The following FBXO11 variants were observed in gnomAD, a reference collection of about 807,000 sequenced individuals.
FBXO11 encodes F-box protein 11.
Under a neutral mutation model 117.0 loss-of-function variants are expected in FBXO11, and 13 were observed. The observed-to-expected ratio is 0.11, with a 90% CI of 0.07 to 0.18. The LOEUF is 0.18. Among genes scored for constraint, FBXO11 ranks in the 10% least tolerant of loss-of-function variants. FBXO11 has a pLI of 1.00. For synonymous variants in FBXO11, 490 were observed against 380.5 expected, an observed-to-expected ratio of 1.29 and a Z score of -3.35; for missense variants, 767 against 1,164.4, an observed-to-expected ratio of 0.66 and a Z score of 4.97.
intron 1 of FBXO11, among the ~76,000 whole-genome samples, chr2:47,900,324 T>C (rs764604916): frequency 1.4e-4 from 22 of 152,078 alleles, no homozygotes; most frequent in Non-Finnish European, 2.9e-4. Flanking sequence ...GACAGAGTAG[T>C]ACCCCACAGT....
At chr2:47,897,109 T>A (rs562506046) in intron 1 of FBXO11, among the ~76,000 whole-genome samples, 10 of 152,266 alleles carry the variant, frequency 6.6e-5, no homozygotes, top group Admixed American at 2.6e-4. Flanking sequence ...TCTCAATATA[T>A]AACAAGGGAA....
chr2:47,847,087 TAAAAG>T (rs1673477536), intron 1 of FBXO11, among the ~76,000 whole-genome samples: 3 of 151,102 alleles, frequency 2.0e-5, no homozygotes, highest in African/African-American at 4.9e-5. Context: ...CTACTAAAAA[TAAAAG>T]AAATCAGCCA....
intron 11 of FBXO11, among the ~76,000 whole-genome samples, chr2:47,831,427 G>GAAAAAAAAAAAAAAAAAAA (rs920107554): frequency 3.0e-5 from 2 of 65,748 alleles, no homozygotes; most frequent in Non-Finnish European, 2.8e-5. Context: ...GTCTCAAAAA[G>GAAAAAAAAAAAAAAAAAAA]AAAAAAAAAA....
intron 1 of FBXO11, among the ~76,000 whole-genome samples, chr2:47,890,677 C>A (rs748329421): frequency 6.6e-6 from 1 of 151,930 alleles, no homozygotes; most frequent in Non-Finnish European, 1.5e-5. Flanking sequence ...TGGTGGCAAG[C>A]GCCTATAACC....
chr2:47,904,295 C>G (rs917983982), intron 1 of FBXO11, among the ~76,000 whole-genome samples: 1 of 152,126 alleles, frequency 6.6e-6, no homozygotes, highest in African/African-American at 2.4e-5. Context: ...AAACAACAAC[C>G]GTACACATAA....
intron 11 of FBXO11, among the ~76,000 whole-genome samples, chr2:47,831,934 T>G (rs545878245): frequency 6.6e-6 from 1 of 152,338 alleles, no homozygotes; most frequent in African/African-American, 2.4e-5. Flanking sequence ...CAAAGTATAC[T>G]CTACAAACTG....
intron 1 of FBXO11, 45 bp from the exon 2 acceptor site, chr2:47,839,814 A>G (rs1478165773): frequency 6.4e-7 from 1 of 1,565,884 alleles, no homozygotes; most frequent in Non-Finnish European, 8.6e-7. Context: ...CCTTTTTAAA[A>G]AAAGTTCTAT....
chr2:47,874,084 G>A (rs1179752900), intron 1 of FBXO11, among the ~76,000 whole-genome samples: 4 of 152,026 alleles, frequency 2.6e-5, no homozygotes, highest in Non-Finnish European at 5.9e-5. Flanking sequence ...TATGGTGGCG[G>A]GCACCTGTAA....
chr2:47,825,776 C>G (rs1671708661), intron 11 of FBXO11, among the ~76,000 whole-genome samples: 1 of 151,896 alleles, frequency 6.6e-6, no homozygotes, highest in Admixed American at 6.6e-5. Flanking sequence ...GGAGTTTCAT[C>G]ATGTCGCCCA....
intron 1 of FBXO11, among the ~76,000 whole-genome samples, chr2:47,843,897 C>T (rs1032792976): frequency 9.9e-5 from 15 of 151,946 alleles, no homozygotes; most frequent in Admixed American, 6.6e-4. Context: ...CGCGCCACTA[C>T]GCCCGGCTAA....
intron 1 of FBXO11, among the ~76,000 whole-genome samples, chr2:47,899,155 T>A (rs1199785956): frequency 6.6e-6 from 1 of 151,086 alleles, no homozygotes; most frequent in Admixed American, 6.6e-5. Context: ...GCACCTGTAG[T>A]CCCAGCTACT....
At chr2:47,833,168 T>C in intron 7 of FBXO11, 98 bp from the exon 8 acceptor site, 1 of 713,384 alleles carries the variant, frequency 1.4e-6, no homozygotes, top group African/African-American at 1.8e-5. Context: ...TAGTACTGAG[T>C]AGTGGGACTA....
intron 1 of FBXO11, among the ~76,000 whole-genome samples, chr2:47,847,104 G>A (rs991105932): frequency 6.6e-6 from 1 of 152,096 alleles, no homozygotes; most frequent in East Asian, 1.9e-4. Context: ...AATCAGCCAG[G>A]TGTGGTGGTG....
intron 4 of FBXO11, among the ~76,000 whole-genome samples, chr2:47,837,528 AAAC>A (rs1219686596): frequency 2.0e-5 from 3 of 152,238 alleles, no homozygotes; most frequent in Non-Finnish European, 2.9e-5. Flanking sequence ...ACTCCGTCAA[AAAC>A]AACAACAAAA....
Position 47,901,021 on chromosome 2 carries a change from G to GTA in FBXO11, c.232+4466_232+4467dup, listed in dbSNP as rs757387655. 1.7e-3 allele frequency among the ~76,000 whole-genome samples: 215 copies of GTA among 129,962 alleles called. 1 individual carries two copies. The highest frequency in any genetic ancestry group is 5.0e-3 in the African/African-American group (184 of 36,614). The allele number at this position is 129,962 out of a possible 152,430, so 85.3% of individuals were successfully genotyped here. The stretch of plus-strand genomic sequence containing the variant: ...CCGGTGGGGAGATATATATATTTAT[G>GTA]TATATATATACACACGTGTGTACAT... On this transcript the variant is annotated intron_variant, in intron 1 of 22. Coordinates refer to ENST00000403359, the MANE Select transcript of FBXO11 (RefSeq NM_001190274.2).
chr2:47,826,998 C>T (rs891253331), intron 11 of FBXO11, among the ~76,000 whole-genome samples: 8 of 152,204 alleles, frequency 5.3e-5, no homozygotes, highest in East Asian at 1.9e-4. Context: ...CTGCCCTGGT[C>T]ACAGGCATGC....
At chr2:47,855,373 G>T (rs951289350) in intron 1 of FBXO11, among the ~76,000 whole-genome samples, 15 of 151,806 alleles carry the variant, frequency 9.9e-5, no homozygotes, top group Non-Finnish European at 1.0e-4. Context: ...TGCAGAGATG[G>T]GGTCTCACCA....
intron 18 of FBXO11, among the ~76,000 whole-genome samples, chr2:47,811,856 C>T (rs1670636470): frequency 6.6e-6 from 1 of 152,190 alleles, no homozygotes; most frequent in Non-Finnish European, 1.5e-5. Flanking sequence ...ATACTCCTGC[C>T]TTAGCCTCCA....
At position 47,905,551 on chromosome 2, in the gene FBXO11, G is replaced by T. The variant is rs1475488188; in HGVS notation, c.170C>A (p.Pro57His). ...PPPQQQQQQQ[P>H]PPPPPPPPPL... is the part of the protein sequence containing the mutation. ...CGGAGGCGGCGGTGGCGGCGGCGGAGGCTGCTGCTGCTGCTGCTGCTGCGG... is the reference window on the plus strand; with the variant it reads ...CGGAGGCGGCGGTGGCGGCGGCGGATGCTGCTGCTGCTGCTGCTGCTGCGG... Residue 57 changes from proline (P) to histidine (H), a missense_variant, in exon 1 of 23, where the codon CCT becomes CAT. Around this residue, in one of 10 missense-constraint regions of FBXO11, gnomAD observed 355 missense variants for 299.8 expected, o/e 1.18. Transcript: ENST00000403359. 39 of 1,239,632 alleles carry T rather than the reference G, an allele frequency of 3.1e-5. No individual in the cohort carries two copies. Among genetic ancestry groups the T allele is most frequent in the Non-Finnish European group, 3.7e-5 (37 of 993,788 alleles). 76.8% of individuals were successfully genotyped at this position (1,239,632 alleles called of 1,614,324 possible).
Sources: allele counts gnomAD v4.1 joint callset (sites outside exome capture counted in the v4.1 genomes callset), GRCh38; gene constraint gnomAD v4.1.1; regional missense constraint gnomAD v4.1.1; transcripts MANE v1.5; gene names NCBI Gene and HGNC (gene_info 2026-07-23, HGNC 2026-07-21).